Variants in MS4A14 observed in about 807,000 individuals in gnomAD.
MS4A14 encodes the protein membrane-spanning 4-domains subfamily A member 14.
Under a neutral mutation model 16.7 loss-of-function variants are expected in MS4A14, and 18 were observed. The observed-to-expected ratio is 1.08, with a 90% confidence interval of 0.75 to 1.60. The LOEUF (loss-of-function observed/expected upper bound fraction) is 1.60, where lower values mean the gene tolerates loss of function less well. MS4A14 is among the 40% of genes most tolerant of loss of function. The pLI is 0.00. For synonymous variants in MS4A14, 305 were observed against 289.4 expected (o/e 1.05, Z -0.55); for missense variants, 812 against 775.3 (o/e 1.05, Z -0.56).
chr11:60,405,224 C>T (rs2085769916), intron 4 of MS4A14, among the ~76,000 whole-genome samples: 1 of 152,258 alleles, frequency 6.6e-6, no homozygotes, highest in Non-Finnish European at 1.5e-5. Context: ...GGATTACAGG[C>T]ATGCACCACC....
At chr11:60,410,762 G>A (rs1304163368) in intron 4 of MS4A14, among the ~76,000 whole-genome samples, 4 of 152,060 alleles carry the variant, frequency 2.6e-5, no homozygotes, top group African/African-American at 4.8e-5. Flanking sequence ...TGATATAAGT[G>A]AGCATTTATT....
intron 4 of MS4A14, among the ~76,000 whole-genome samples, chr11:60,408,597 T>C (rs1209266778): frequency 6.6e-6 from 1 of 152,224 alleles, no homozygotes. Context: ...GTAAGCATAA[T>C]ATTTTCAAGA....
chr11:60,416,059 A>T lies in MS4A14; in HGVS notation c.1091A>T (p.Asp364Val). Reference sequence around the variant, plus strand: ...CCCCCTCAAGGCATACTATCCCAAGACACATCATCTCAAGATATGCTGTTT... The same window carrying T: ...CCCCCTCAAGGCATACTATCCCAAGTCACATCATCTCAAGATATGCTGTTT... The part of the protein sequence containing the change: ...DLPPQGILSQ[D>V]TSSQDMLFHD... The change falls in exon 5 of 5, where the codon GAC becomes GTC. Residue 364 changes from aspartate to valine, a missense_variant. Physicochemically the swap from Asp to Val is radical, Grantham distance 152 (BLOSUM62 -3). Coordinates refer to ENST00000300187, the MANE Select transcript of MS4A14 (RefSeq NM_032597.5). The T allele has an allele frequency of 5.0e-6, 8 of 1,613,036 alleles. No individual in the cohort carries two copies. Among genetic ancestry groups the T allele is most frequent in the Non-Finnish European group, 6.8e-6 (8 of 1,179,536 alleles).
intron 4 of MS4A14, among the ~76,000 whole-genome samples, chr11:60,412,354 T>A (rs1304529996): frequency 6.6e-6 from 1 of 151,706 alleles, no homozygotes; most frequent in African/African-American, 2.4e-5. Context: ...GGTGAAGCCA[T>A]CTGATCCAGA....
chr11:60,402,904 T>C lies in MS4A14; in HGVS notation c.319-8T>C. The C allele has an allele frequency of 1.2e-6, 2 of 1,610,248 alleles. No individual in the cohort carries two copies. Among genetic ancestry groups the C allele is most frequent in the South Asian group, 1.1e-5 (1 of 89,896 alleles). ...TATTTATTTTATCATTTTTAAACTATCTTTCAGGGTCAAGGTGTCACGGGC... is the reference window on the plus strand; with the variant it reads ...TATTTATTTTATCATTTTTAAACTACCTTTCAGGGTCAAGGTGTCACGGGC... On this transcript the variant is annotated splice_region_variant and splice_polypyrimidine_tract_variant and intron_variant, in intron 3 of 4. Transcript: ENST00000300187.
rs2085962693 is a variant in MS4A14 at position 60,417,310 on chromosome 11, G to A, written c.*302G>A. 1 of 228,724 alleles carries A rather than the reference G, an allele frequency of 4.4e-6. No homozygotes were observed. Among genetic ancestry groups the A allele is most frequent in the Non-Finnish European group, 8.6e-6 (1 of 116,706 alleles). 14.2% of individuals were successfully genotyped at this position (228,724 alleles called of 1,614,324 possible). On this transcript the variant is annotated 3_prime_UTR_variant, in exon 5 of 5. Transcript: ENST00000300187. ...GGGACCTGCAATCAGAAGACGTGAAGGCAGATTTTCATTCTTCTTCTGGCC... is the reference window on the plus strand; with the variant it reads ...GGGACCTGCAATCAGAAGACGTGAAAGCAGATTTTCATTCTTCTTCTGGCC...
chr11:60,400,320 A>G (rs2085693155), intron 2 of MS4A14, 84 bp from the exon 3 acceptor site: 15 of 865,800 alleles, frequency 1.7e-5, no homozygotes, highest in South Asian at 3.3e-5. Flanking sequence ...TCACAAACAG[A>G]TATTTTGCAA....
In MS4A14 at chr11:60,397,875, A is replaced by G. The variant is rs746661518; in HGVS notation, c.162A>G (p.Leu54=). ...AGGCTACCCAGATCCTGCTTGCTCT[A>G]ATCATTGTGGGCTTTGGAACTATAT... ...VLGATQILLA[L]IIVGFGTIFA... is the part of the protein sequence containing the mutation. The change falls in exon 2 of 5, where the codon CTA becomes CTG. Residue 54 remains leucine (L), a synonymous_variant. Transcript: ENST00000300187. The G allele has an allele frequency of 1.9e-6, 3 of 1,555,250 alleles. No homozygotes were observed. In the Admixed American group the frequency reaches 5.6e-5, roughly 29 times the overall value.
At position 60,415,559 on chromosome 11, in the gene MS4A14, A is replaced by G; in HGVS notation, c.591A>G (p.Ala197=). 6.2e-7 allele frequency: 1 copy of G among 1,613,834 alleles called. No individual in the cohort carries two copies. Among genetic ancestry groups the G allele is most frequent in the Non-Finnish European group, 8.5e-7 (1 of 1,179,810 alleles). Residue 197 remains alanine, a synonymous_variant, in exon 5 of 5, where the codon GCA becomes GCG. Transcript: ENST00000300187. Reference sequence around the variant, plus strand: ...CCAGTGATGATTCAACAACAAATGCACAATCTGTTATCTTTGGAGGCTATG... The same window carrying G: ...CCAGTGATGATTCAACAACAAATGCGCAATCTGTTATCTTTGGAGGCTATG... ...EFSSDDSTTN[A]QSVIFGGYAF...
At chr11:60,397,447 G>A (rs1424888879) in intron 1 of MS4A14, among the ~76,000 whole-genome samples, 1 of 152,090 alleles carries the variant, frequency 6.6e-6, no homozygotes, top group Non-Finnish European at 1.5e-5. Context: ...AAATGTGGGG[G>A]TGGGGGCTGT....
intron 2 of MS4A14, 85 bp from the exon 3 acceptor site, chr11:60,400,319 G>C: frequency 1.2e-6 from 1 of 858,216 alleles, no homozygotes; most frequent in Non-Finnish European, 1.9e-6. Context: ...TTCACAAACA[G>C]ATATTTTGCA....
At chr11:60,405,449 C>T (rs192108303) in intron 4 of MS4A14, among the ~76,000 whole-genome samples, 102 of 152,248 alleles carry the variant, frequency 6.7e-4, no homozygotes, top group African/African-American at 2.1e-3. Context: ...CATAAGGTAC[C>T]ATGTTACTTC....
intron 2 of MS4A14, chr11:60,398,304 AG>A (rs1808072884): frequency 5.1e-6 from 1 of 196,334 alleles, no homozygotes; most frequent in South Asian, 1.0e-4. Flanking sequence ...TCAAAAGTAG[AG>A]AATAACTTAA....
intron 3 of MS4A14, among the ~76,000 whole-genome samples, chr11:60,401,001 C>T (rs570083889): frequency 6.6e-6 from 1 of 152,312 alleles, no homozygotes; most frequent in East Asian, 1.9e-4. Flanking sequence ...CCAACCGAGG[C>T]TTTTCTTTAG....
At chr11:60,411,135 T>C (rs144936419) in intron 4 of MS4A14, among the ~76,000 whole-genome samples, 6,548 of 152,248 alleles carry the variant, frequency 0.043, 329 homozygotes, top group East Asian at 0.25. Context: ...CATGAGCCAC[T>C]GTGCCCGGCC....
rs771943812 is a variant in MS4A14, at chr11:60,403,008, T to A, written c.415T>A (p.Cys139Ser). The A allele has an allele frequency of 1.5e-5, 25 of 1,613,814 alleles. No individual in the cohort carries two copies. The highest frequency in any genetic ancestry group is 5.0e-5 in the Admixed American group (3 of 60,000). ...CAGCTACAGACATCAAGACAAGTAC[T>A]GCCAGATGCCATCCTTTGAAGAAAT... ...ILSYRHQDKY[C>S]QMPSFEEICV... The change falls in exon 4 of 5, where the codon TGC (cysteine) becomes AGC (serine). Residue 139 changes from cysteine (C) to serine (S), a missense_variant. Physicochemically the swap from Cys to Ser is moderately radical, Grantham distance 112. Coordinates refer to ENST00000300187, the MANE Select transcript of MS4A14 (RefSeq NM_032597.5).
chr11:60,411,098 G>A (rs947298182), intron 4 of MS4A14, among the ~76,000 whole-genome samples: 8 of 152,074 alleles, frequency 5.3e-5, no homozygotes, highest in African/African-American at 1.2e-4. Context: ...CACCCGCCTC[G>A]GCCTCCCAAA....
At position 60,417,367 on chromosome 11, in the gene MS4A14, T is replaced by C. The variant is rs1443243; in HGVS notation, c.*359T>C. 1,749 of 164,288 alleles carry C rather than the reference T, an allele frequency of 0.011. 82 individuals carry two copies. Among genetic ancestry groups the C allele is most frequent in the Admixed American group, 0.079 (1,336 of 16,910 alleles). 10.2% of individuals were successfully genotyped at this position (164,288 alleles called of 1,614,324 possible). A position where few individuals can be genotyped will look rare whatever the true frequency, so the allele number is the denominator to read the frequency against. Reference sequence around the variant, plus strand: ...CAGTACAAGACACATGTTTAGCCTATTTGTCCAATCTAGATTCAGAACAAG... The same window carrying C: ...CAGTACAAGACACATGTTTAGCCTACTTGTCCAATCTAGATTCAGAACAAG... On this transcript the variant is annotated 3_prime_UTR_variant, in exon 5 of 5. Coordinates refer to ENST00000300187, the MANE Select transcript of MS4A14 (RefSeq NM_032597.5).
intron 4 of MS4A14, chr11:60,405,999 T>C (rs573226040): frequency 3.4e-6 from 5 of 1,466,848 alleles, no homozygotes; most frequent in South Asian, 1.3e-5. Context: ...TGTGTTCTGA[T>C]GTCTCTTAAT....
Sources: gnomAD v4.1 joint callset for allele counts (sites outside exome capture counted in the v4.1 genomes callset) on GRCh38, gnomAD v4.1.1 for gene constraint, MANE v1.5 for transcripts, NCBI Gene and HGNC (gene_info 2026-07-23, HGNC 2026-07-21) for gene names.